Variants in FOXN2 observed in about 807,000 individuals in gnomAD.
The protein encoded by FOXN2 is forkhead box protein N2.
FOXN2 carries 19 observed loss-of-function variants against 41.2 expected under a neutral mutation model. The observed-to-expected ratio is 0.46, with a 90% CI of 0.32 to 0.68. The LOEUF (loss-of-function observed/expected upper bound fraction) is 0.68. Ranked by LOEUF, FOXN2 falls within the 30% of genes least tolerant of loss-of-function variation. FOXN2 has a pLI of 0.03. For synonymous variants in FOXN2, 195 were observed against 176.8 expected, an observed-to-expected ratio of 1.10 and a Z score of -0.82; for missense variants, 587 against 509.4, an observed-to-expected ratio of 1.15 and a Z score of -1.47.
intron 1 of FOXN2, among the ~76,000 whole-genome samples, chr2:48,316,770 T>C (rs982291613): frequency 5.3e-5 from 8 of 152,360 alleles, no homozygotes; most frequent in African/African-American, 1.9e-4. Context: ...TTGTGAATGC[T>C]TTGGTAGGTT....
chr2:48,360,889 C>T (rs1184204338), intron 4 of FOXN2, among the ~76,000 whole-genome samples: 2 of 150,716 alleles, frequency 1.3e-5, no homozygotes, highest in East Asian at 2.0e-4. Flanking sequence ...TAGTGCACGC[C>T]TGTGGTCCCA....
chr2:48,369,411 G>A (rs890367470), intron 5 of FOXN2, among the ~76,000 whole-genome samples: 1 of 152,106 alleles, frequency 6.6e-6, no homozygotes, highest in Non-Finnish European at 1.5e-5. Flanking sequence ...GGTTGCGAGT[G>A]CCTGTAATCC....
At chr2:48,365,281 C>G (rs1168382592) in intron 5 of FOXN2, among the ~76,000 whole-genome samples, 1 of 152,156 alleles carries the variant, frequency 6.6e-6, no homozygotes, top group Non-Finnish European at 1.5e-5. Flanking sequence ...GATAGGGGAT[C>G]TGTTTCAAAT....
upstream of FOXN2, among the ~76,000 whole-genome samples, chr2:48,314,251 CG>C (rs1173631103): frequency 1.3e-5 from 2 of 152,256 alleles, no homozygotes; most frequent in Non-Finnish European, 2.9e-5. Flanking sequence ...AGCCTAGCCC[CG>C]CCCCCGCGCC....
At chr2:48,359,867 C>G (rs1257065417) in intron 4 of FOXN2, among the ~76,000 whole-genome samples, 1 of 152,020 alleles carries the variant, frequency 6.6e-6, no homozygotes, top group Non-Finnish European at 1.5e-5. Context: ...ATTAAAAATA[C>G]ATTTAAAATT....
chr2:48,322,605 A>AT (rs1468913767), intron 1 of FOXN2, among the ~76,000 whole-genome samples: 2 of 151,060 alleles, frequency 1.3e-5, no homozygotes, highest in East Asian at 1.9e-4. Flanking sequence ...TATCCAATAC[A>AT]TTTTTTTCGT....
intron 6 of FOXN2, 128 bp from the exon 7 acceptor site, chr2:48,374,792 A>T (rs1217695094): frequency 1.3e-6 from 1 of 798,290 alleles, no homozygotes; most frequent in Non-Finnish European, 2.0e-6. Flanking sequence ...GTAAAAAAAA[A>T]TAAAAAATCT....
At chr2:48,338,992 T>C (rs1670556420) in intron 2 of FOXN2, among the ~76,000 whole-genome samples, 1 of 152,012 alleles carries the variant, frequency 6.6e-6, no homozygotes, top group Non-Finnish European at 1.5e-5. Flanking sequence ...TACAAATCAT[T>C]AAGAAAACCC....
At chr2:48,373,149 C>T (rs1673019923) in intron 5 of FOXN2, 143 bp from the exon 6 acceptor site, 1 of 556,956 alleles carries the variant, frequency 1.8e-6, no homozygotes, top group Non-Finnish European at 3.2e-6. Flanking sequence ...TATATAATAT[C>T]TCATTTTTGT....
At chr2:48,319,407 T>G (rs1232685498) in intron 1 of FOXN2, among the ~76,000 whole-genome samples, 1 of 152,100 alleles carries the variant, frequency 6.6e-6, no homozygotes, top group African/African-American at 2.4e-5. Context: ...CTGGGAATGT[T>G]TTTAACCAAA....
At chr2:48,371,250 T>C (rs747754635) in intron 5 of FOXN2, among the ~76,000 whole-genome samples, 1 of 152,006 alleles carries the variant, frequency 6.6e-6, no homozygotes, top group Non-Finnish European at 1.5e-5. Context: ...ACACAAAAAT[T>C]AGCTGAGTGT....
chr2:48,339,816 G>A (rs1009485697), intron 2 of FOXN2, among the ~76,000 whole-genome samples: 6 of 152,142 alleles, frequency 3.9e-5, no homozygotes, highest in Non-Finnish European at 5.9e-5. Flanking sequence ...TATACCAGGT[G>A]ATATGAACAA....
At chr2:48,340,237 C>A (rs1190816350) in intron 2 of FOXN2, among the ~76,000 whole-genome samples, 1 of 152,124 alleles carries the variant, frequency 6.6e-6, no homozygotes, top group Non-Finnish European at 1.5e-5. Flanking sequence ...ACATCTAATT[C>A]TCTGTAATGC....
At position 48,332,221 on chromosome 2, in the gene FOXN2, G is replaced by A. The variant is rs1670061158; in HGVS notation, c.-15+3519G>A. Among the ~76,000 whole-genome samples, 3 of 152,122 alleles carry A rather than the reference G, an allele frequency of 2.0e-5. 1 individual carries two copies. The highest frequency in any genetic ancestry group is 4.1e-4 in the South Asian group (2 of 4,828). ...AAAACTCATGATTATTTCAGAGGTAGTATAGTTATTTTTATTGTTTATAAA... is the reference window on the plus strand; with the variant it reads ...AAAACTCATGATTATTTCAGAGGTAATATAGTTATTTTTATTGTTTATAAA... On this transcript the variant is annotated intron_variant, in intron 2 of 6. Coordinates refer to ENST00000340553, the MANE Select transcript of FOXN2 (RefSeq NM_002158.4).
Position 48,375,365 on chromosome 2 carries a change from C to T in FOXN2, c.1218C>T (p.His406=), listed in dbSNP as rs1311386902. 1 of 1,613,628 alleles carries T rather than the reference C, an allele frequency of 6.2e-7. No individual in the cohort carries two copies. The highest frequency in any genetic ancestry group is 1.7e-5 in the Admixed American group (1 of 59,884). Residue 406 remains histidine, a synonymous_variant, in exon 7 of 7, where the codon CAC becomes CAT. Coordinates refer to ENST00000340553, the MANE Select transcript of FOXN2 (RefSeq NM_002158.4). The part of the protein sequence containing the change: ...ELKEAAGSLL[H]LAGIRTCLGS... The stretch of plus-strand genomic sequence containing the variant: ...AAGAGGCAGCTGGATCTCTGCTCCA[C>T]CTTGCTGGAATTCGTACATGTTTAG...
intron 5 of FOXN2, among the ~76,000 whole-genome samples, chr2:48,372,846 G>A (rs1309578724): frequency 1.3e-5 from 2 of 150,804 alleles, no homozygotes; most frequent in Non-Finnish European, 2.9e-5. Context: ...TTTATCTCCT[G>A]TAACTGGCAT....
intron 2 of FOXN2, among the ~76,000 whole-genome samples, chr2:48,335,023 A>C (rs936466494): frequency 6.6e-6 from 1 of 152,222 alleles, no homozygotes; most frequent in African/African-American, 2.4e-5. Context: ...GATAAAACCT[A>C]ACATATAATC....
chr2:48,317,231 C>T (rs1242983508), intron 1 of FOXN2, among the ~76,000 whole-genome samples: 1 of 151,922 alleles, frequency 6.6e-6, no homozygotes, highest in Admixed American at 6.6e-5. Context: ...GGAGGATCAC[C>T]TGAGGTTAGG....
At chr2:48,357,109 T>G (rs1671844122) in intron 3 of FOXN2, among the ~76,000 whole-genome samples, 1 of 152,226 alleles carries the variant, frequency 6.6e-6, no homozygotes, top group African/African-American at 2.4e-5. Context: ...TTTTATCTCT[T>G]GTTCATGATA....
Sources: gnomAD v4.1 joint callset for allele counts (sites outside exome capture counted in the v4.1 genomes callset) on GRCh38, gnomAD v4.1.1 for gene constraint, MANE v1.5 for transcripts, NCBI Gene and HGNC (gene_info 2026-07-23, HGNC 2026-07-21) for gene names.